RIC1: variants seen among roughly 807,000 people sequenced by gnomAD.
RIC1 encodes the protein RIC1 partner of RAB6A GEF complex.
In RIC1, 88 loss-of-function variants were observed where a neutral mutation model predicts 169.0. The observed-to-expected ratio is 0.52, with a 90% confidence interval of 0.44 to 0.62. The LOEUF (loss-of-function observed/expected upper bound fraction) is 0.62, where lower values mean the gene tolerates loss of function less well. Among genes scored for constraint, RIC1 ranks in the 20% least tolerant of loss-of-function variants. The probability of loss-of-function intolerance (pLI) is 0.00; values close to 1 mark genes in which losing one functional copy is unlikely to be tolerated. For synonymous variants in RIC1, 790 were observed against 601.5 expected, an observed-to-expected ratio of 1.31 and a Z score of -4.59; for missense variants, 1,877 against 1,725.5, an observed-to-expected ratio of 1.09 and a Z score of -1.56.
At chr9:5,646,245 T>G (rs566683655) in intron 1 of RIC1, among the ~76,000 whole-genome samples, 4 of 152,304 alleles carry the variant, frequency 2.6e-5, no homozygotes, top group African/African-American at 9.6e-5. Context: ...TTGAAGTTCT[T>G]TGCCCATTGT....
chr9:5,769,542 T>A, intron 22 of RIC1: 1 of 1,067,594 alleles, frequency 9.4e-7, no homozygotes, highest in South Asian at 1.7e-5. Flanking sequence ...AAAGCTACCA[T>A]GCTTATGTTA....
chr9:5,769,997 T>TG (rs1827089521), intron 22 of RIC1, 90 bp from the exon 23 acceptor site: 2 of 1,142,222 alleles, frequency 1.8e-6, no homozygotes, highest in Admixed American at 2.3e-5. Flanking sequence ...GGTAGGCAGG[T>TG]AGGGGAAGCT....
At chr9:5,683,129 G>C (rs144849999) in intron 2 of RIC1, among the ~76,000 whole-genome samples, 6 of 152,164 alleles carry the variant, frequency 3.9e-5, no homozygotes, top group African/African-American at 1.4e-4. Flanking sequence ...TTGATTTTCT[G>C]AAGCCTTCTT....
At chr9:5,771,730 C>T (rs10975275) in intron 23 of RIC1, among the ~76,000 whole-genome samples, 61,209 of 151,886 alleles carry the variant, frequency 0.4, 12,724 homozygotes, top group East Asian at 0.59. Flanking sequence ...ATGGTGCCAT[C>T]ACTTTAGAAA....
chr9:5,717,800 G>C (rs1823345957), intron 4 of RIC1, among the ~76,000 whole-genome samples: 1 of 151,418 alleles, frequency 6.6e-6, no homozygotes, highest in African/African-American at 2.4e-5. Context: ...TCGCGCCACT[G>C]CACTCTAGCC....
intron 1 of RIC1, among the ~76,000 whole-genome samples, chr9:5,650,813 C>T (rs1818762689): frequency 6.6e-6 from 1 of 152,048 alleles, no homozygotes; most frequent in Non-Finnish European, 1.5e-5. Context: ...CTGTTCTCCA[C>T]AGTGTAGGAT....
rs1227310520 is a variant in RIC1 at position 5,772,934 on chromosome 9, G to A, written c.3837G>A (p.Trp1279Ter). ...TCATGGAGGCAGGGTGCCTAGACTGGTGCATCGTTATAGGCCTGATTCTTA... is the reference window on the plus strand; with the variant it reads ...TCATGGAGGCAGGGTGCCTAGACTGATGCATCGTTATAGGCCTGATTCTTA... Reference protein sequence around the residue: ...HIFMEAGCLDWCIVIGLILRE... With the variant: ...HIFMEAGCLD The change falls in exon 25 of 26, where the codon TGG becomes TGA. Residue 1279 changes from tryptophan (W) to a stop codon, truncating the protein, a stop_gained. Coordinates refer to ENST00000414202, the MANE Select transcript of RIC1 (RefSeq NM_020829.4). LOFTEE classifies it high-confidence loss of function. 6 of 1,613,678 alleles carry A rather than the reference G, an allele frequency of 3.7e-6. No individual in the cohort carries two copies. Among genetic ancestry groups the A allele is most frequent in the South Asian group, 1.1e-5 (1 of 91,016 alleles).
chr9:5,697,337 C>CAAA (rs1821965495), intron 3 of RIC1, among the ~76,000 whole-genome samples: 2 of 152,216 alleles, frequency 1.3e-5, no homozygotes, highest in East Asian at 3.9e-4. Context: ...GTTTGTTTTC[C>CAAA]TTCCCTCATG....
chr9:5,698,101 C>T (rs1166267314), intron 3 of RIC1, among the ~76,000 whole-genome samples: 1 of 152,152 alleles, frequency 6.6e-6, no homozygotes, highest in African/African-American at 2.4e-5. Context: ...AGGTTATTTG[C>T]CACATTATTC....
At chr9:5,643,326 A>G (rs953841970) in intron 1 of RIC1, among the ~76,000 whole-genome samples, 4 of 152,050 alleles carry the variant, frequency 2.6e-5, no homozygotes, top group Admixed American at 1.3e-4. Flanking sequence ...TTTTTTTCAT[A>G]GATCATGTCA....
intron 1 of RIC1, among the ~76,000 whole-genome samples, chr9:5,637,753 A>T (rs891325902): frequency 6.6e-6 from 1 of 152,128 alleles, no homozygotes; most frequent in Non-Finnish European, 1.5e-5. Context: ...TAACATAATG[A>T]CCTCTAGTTC....
chr9:5,763,121 C>T lies in RIC1; in HGVS notation c.2113-19C>T, dbSNP rs754226670. 1.9e-6 allele frequency: 3 copies of T among 1,605,812 alleles called. No individual in the cohort carries two copies. The highest frequency in any genetic ancestry group is 2.6e-6 in the Non-Finnish European group (3 of 1,174,496). On this transcript the variant is annotated intron_variant, in intron 18 of 25. Transcript: ENST00000414202. This position sits in a 1 kb window ranked among gnomAD's most constrained non-coding sequence, Gnocchi z 5.2. Reference sequence around the variant, plus strand: ...GATTTAATAGGAAAACAACTTGATTCTTGTCTCTCCTTCTCCAGCTGCCAT... The same window carrying T: ...GATTTAATAGGAAAACAACTTGATTTTTGTCTCTCCTTCTCCAGCTGCCAT...
intron 17 of RIC1, among the ~76,000 whole-genome samples, chr9:5,761,355 A>G (rs1421581924): frequency 6.6e-6 from 1 of 151,024 alleles, no homozygotes; most frequent in Non-Finnish European, 1.5e-5. Flanking sequence ...CTCGTGATCC[A>G]CCCACCTCAG....
intron 2 of RIC1, among the ~76,000 whole-genome samples, chr9:5,661,120 A>AT (rs1819426328): frequency 2.0e-5 from 3 of 152,070 alleles, no homozygotes; most frequent in Admixed American, 1.3e-4. Context: ...TGTGTTTGTC[A>AT]GGTTTGCTAA....
At chr9:5,650,759 G>A (rs1818759779) in intron 1 of RIC1, among the ~76,000 whole-genome samples, 1 of 152,074 alleles carries the variant, frequency 6.6e-6, no homozygotes, top group African/African-American at 2.4e-5. Flanking sequence ...TTTTGTCCTT[G>A]TGATAGCCTC....
chr9:5,635,958 A>C (rs1817952470), intron 1 of RIC1, among the ~76,000 whole-genome samples: 1 of 152,216 alleles, frequency 6.6e-6, no homozygotes, highest in Non-Finnish European at 1.5e-5. Flanking sequence ...TTGTTATAGC[A>C]GTGTGAAAAT....
At chr9:5,696,137 C>T (rs1184034138) in intron 3 of RIC1, among the ~76,000 whole-genome samples, 1 of 152,030 alleles carries the variant, frequency 6.6e-6, no homozygotes, top group African/African-American at 2.4e-5. Flanking sequence ...TCTCATTGGT[C>T]TTTTTAGGGG....
intron 1 of RIC1, among the ~76,000 whole-genome samples, chr9:5,648,481 A>G (rs1818642506): frequency 6.6e-6 from 1 of 152,114 alleles, no homozygotes; most frequent in Non-Finnish European, 1.5e-5. Flanking sequence ...GTGGCTATGA[A>G]CTTGGGGGTG....
chr9:5,692,675 G>C (rs1432556742), intron 3 of RIC1, among the ~76,000 whole-genome samples: 3 of 151,764 alleles, frequency 2.0e-5, no homozygotes, highest in Non-Finnish European at 4.4e-5. Flanking sequence ...TTGTACAATG[G>C]GAATAAAAAT....
Sources: allele counts gnomAD v4.1 joint callset (sites outside exome capture counted in the v4.1 genomes callset), GRCh38; gene constraint gnomAD v4.1.1; non-coding constraint Gnocchi (gnomAD v3.1); transcripts MANE v1.5; gene names NCBI Gene and HGNC (gene_info 2026-07-23, HGNC 2026-07-21).